The following TMEM132D variants were observed in gnomAD, a reference collection of about 807,000 sequenced individuals.
TMEM132D encodes transmembrane protein 132D.
TMEM132D carries 21 observed loss-of-function variants against 62.3 expected under a neutral mutation model. That is an observed-to-expected ratio of 0.34 (90% CI 0.24 to 0.49). TMEM132D has a LOEUF of 0.49. Among genes scored for constraint, TMEM132D ranks in the 20% least tolerant of loss-of-function variants. The pLI is 0.99. For missense variants in TMEM132D, 1,346 were observed against 1,402.8 expected (o/e 0.96, Z 0.65); for synonymous variants, 621 against 575.6 (o/e 1.08, Z -1.13).
intron 4 of TMEM132D, among the ~76,000 whole-genome samples, chr12:129,268,317 AG>A: frequency 6.6e-6 from 1 of 152,172 alleles, no homozygotes; most frequent in Non-Finnish European, 1.5e-5. Context: ...GAATCTACAA[AG>A]AACTCAAACA....
intron 5 of TMEM132D, among the ~76,000 whole-genome samples, chr12:129,149,077 G>A (rs1359011644): frequency 6.6e-6 from 1 of 151,948 alleles, no homozygotes; most frequent in Admixed American, 6.6e-5. Context: ...GTCCCTTGCA[G>A]GGACATAGAT....
At chr12:129,590,355 C>T (rs1192951696) in intron 2 of TMEM132D, among the ~76,000 whole-genome samples, 2 of 152,204 alleles carry the variant, frequency 1.3e-5, no homozygotes, top group Non-Finnish European at 2.9e-5. Flanking sequence ...GCAGGCTTGC[C>T]TCCACCAAGT....
chr12:129,403,462 T>C (rs1307395696), intron 3 of TMEM132D, among the ~76,000 whole-genome samples: 1 of 151,616 alleles, frequency 6.6e-6, no homozygotes, highest in Non-Finnish European at 1.5e-5. Flanking sequence ...GAAACGGCAT[T>C]AATGCATTTA....
At chr12:129,658,916 C>T (rs1209897709) in intron 2 of TMEM132D, among the ~76,000 whole-genome samples, 1 of 151,924 alleles carries the variant, frequency 6.6e-6, no homozygotes, top group Non-Finnish European at 1.5e-5. Flanking sequence ...GCAATGAGAC[C>T]CCTGTCTGGG....
chr12:129,455,689 G>A (rs1011950936), intron 3 of TMEM132D, among the ~76,000 whole-genome samples: 2 of 152,156 alleles, frequency 1.3e-5, no homozygotes, highest in Non-Finnish European at 2.9e-5. Context: ...GCAAAGGCAC[G>A]GTGGCTCAGG....
At chr12:129,860,497 G>A (rs894668333) in intron 1 of TMEM132D, among the ~76,000 whole-genome samples, 7 of 152,200 alleles carry the variant, frequency 4.6e-5, no homozygotes, top group Non-Finnish European at 7.3e-5. Flanking sequence ...CATTAAACTC[G>A]TCTGCATCAA....
At chr12:129,773,974 G>A (rs978675425) in intron 1 of TMEM132D, among the ~76,000 whole-genome samples, 3 of 152,134 alleles carry the variant, frequency 2.0e-5, no homozygotes, top group Non-Finnish European at 4.4e-5. Flanking sequence ...CTGGTCCTTG[G>A]TACCAGGAGC....
In TMEM132D at chr12:129,357,233, T is replaced by G. The variant is rs554404959; in HGVS notation, c.1116-19416A>C. ...CTGCACTCCAGCCTGGGTGACAGAGTGAGACCGTGTCTCAAAAAAAAAAAA... is the reference window on the plus strand; with the variant it reads ...CTGCACTCCAGCCTGGGTGACAGAGGGAGACCGTGTCTCAAAAAAAAAAAA... On this transcript the variant is annotated intron_variant, in intron 3 of 8. Coordinates refer to ENST00000422113, the MANE Select transcript of TMEM132D (RefSeq NM_133448.3). Among the ~76,000 whole-genome samples the G allele has an allele frequency of 2.9e-3, 366 of 124,862 alleles. 2 individuals carry two copies. Among genetic ancestry groups the G allele is most frequent in the African/African-American group, 0.011 (354 of 31,738 alleles). 81.9% of individuals were successfully genotyped at this position (124,862 alleles called of 152,430 possible).
At chr12:129,296,267 G>C (rs1593327269) in intron 4 of TMEM132D, among the ~76,000 whole-genome samples, 1 of 152,156 alleles carries the variant, frequency 6.6e-6, no homozygotes, top group African/African-American at 2.4e-5. Flanking sequence ...GTGATTTTGA[G>C]TACGTTATCT....
intron 5 of TMEM132D, among the ~76,000 whole-genome samples, chr12:129,132,263 T>G (rs1256435260): frequency 6.6e-6 from 1 of 152,204 alleles, no homozygotes; most frequent in Non-Finnish European, 1.5e-5. Flanking sequence ...TCATCACAAA[T>G]TCCTAAATAC....
At position 129,074,967 on chromosome 12, in the gene TMEM132D, T is replaced by C. The variant is rs145783957; in HGVS notation, c.2208A>G (p.Thr736=). 23 of 1,614,074 alleles carry C rather than the reference T, an allele frequency of 1.4e-5. No homozygotes were observed. In the East Asian group the frequency reaches 4.7e-4, roughly 33 times the overall value. Residue 736 remains threonine, a synonymous_variant, in exon 9 of 9, where the codon ACA becomes ACG. Transcript: ENST00000422113. ...TGGAGACTACCTTCTCATCCAAAGA[T>C]GTGGCCATCAAGGAGAAGTCTTTCC... ...YDGKDFSLMA[T]SLDEKVVSIH... is the part of the protein sequence containing the mutation.
At chr12:129,617,146 A>G (rs1878941094) in intron 2 of TMEM132D, among the ~76,000 whole-genome samples, 2 of 152,218 alleles carry the variant, frequency 1.3e-5, no homozygotes, top group Non-Finnish European at 1.5e-5. Flanking sequence ...TCTGAATCCC[A>G]TGGGTGTGAG....
chr12:129,103,676 C>T (rs1875390082), intron 5 of TMEM132D, among the ~76,000 whole-genome samples: 1 of 152,208 alleles, frequency 6.6e-6, no homozygotes, highest in Non-Finnish European at 1.5e-5. Context: ...AGCCACCACG[C>T]CTGGCCTAGG....
At chr12:129,868,276 G>C (rs993437894) in intron 1 of TMEM132D, among the ~76,000 whole-genome samples, 3 of 152,096 alleles carry the variant, frequency 2.0e-5, no homozygotes, top group African/African-American at 7.2e-5. Flanking sequence ...CATTTCTATG[G>C]TACACACATG....
intron 5 of TMEM132D, among the ~76,000 whole-genome samples, chr12:129,126,356 C>CT (rs747997037): frequency 0.075 from 10,382 of 137,762 alleles, 1,081 homozygotes; most frequent in African/African-American, 0.23. Context: ...CAGTTTCTCT[C>CT]TCTTTTTTTT....
intron 2 of TMEM132D, among the ~76,000 whole-genome samples, chr12:129,654,073 T>C (rs917923894): frequency 2.6e-5 from 4 of 152,204 alleles, no homozygotes; most frequent in African/African-American, 9.7e-5. Flanking sequence ...GACTGGGATT[T>C]GTCTGTTGTG....
In TMEM132D at chr12:129,521,009, G is replaced by C. The variant is rs142343757; in HGVS notation, c.1115+10050C>G. The stretch of plus-strand genomic sequence containing the variant: ...AGTAATTGTAGACAAAAAACACCCA[G>C]TGGCTGAGATTGATATTGACTTAAC... On this transcript the variant is annotated intron_variant, in intron 3 of 8. Transcript: ENST00000422113. Among the ~76,000 whole-genome samples, 807 of 152,322 alleles carry C rather than the reference G, an allele frequency of 5.3e-3. 7 individuals are homozygous for C. The highest frequency in any genetic ancestry group is 0.019 in the African/African-American group (771 of 41,570).
intron 1 of TMEM132D, among the ~76,000 whole-genome samples, chr12:129,818,218 C>G (rs1027445971): frequency 7.6e-6 from 1 of 132,050 alleles, no homozygotes; most frequent in Non-Finnish European, 1.6e-5. Context: ...GAGTGTGTAT[C>G]TGTGTGTATG....
At chr12:129,081,412 C>A (rs778905534) in intron 7 of TMEM132D, among the ~76,000 whole-genome samples, 75 of 152,166 alleles carry the variant, frequency 4.9e-4, no homozygotes, top group Non-Finnish European at 8.4e-4. Flanking sequence ...GATCCTTGCA[C>A]CTCAGCCTCC....
Sources: gnomAD v4.1 joint callset for allele counts (sites outside exome capture counted in the v4.1 genomes callset) on GRCh38, gnomAD v4.1.1 for gene constraint, MANE v1.5 for transcripts, NCBI Gene and HGNC (gene_info 2026-07-23, HGNC 2026-07-21) for gene names.